The following ZFHX3 variants were observed in gnomAD, a reference collection of about 807,000 sequenced individuals.
ZFHX3 encodes zinc finger homeobox protein 3.
In ZFHX3, 42 loss-of-function variants were observed where a neutral mutation model predicts 279.1. That is an observed-to-expected ratio of 0.15 (90% CI 0.12 to 0.19). The LOEUF is 0.19. Among genes scored for constraint, ZFHX3 ranks in the 10% least tolerant of loss-of-function variants. The pLI, the probability that ZFHX3 is intolerant of heterozygous loss-of-function variation, is 1.00. For synonymous variants in ZFHX3, 2,293 were observed against 1,957.8 expected (o/e 1.17, Z -4.52); for missense variants, 4,981 against 4,754.0 (o/e 1.05, Z -1.40).
chr16:73,743,917 A>G (rs964039205), intron 1 of ZFHX3, among the ~76,000 whole-genome samples: 3 of 152,146 alleles, frequency 2.0e-5, no homozygotes, highest in Admixed American at 6.6e-5. Flanking sequence ...GGACAACTCT[A>G]CTGGGTGACC....
intron 2 of ZFHX3, among the ~76,000 whole-genome samples, chr16:73,674,563 G>A (rs1362279187): frequency 6.6e-6 from 1 of 152,194 alleles, no homozygotes; most frequent in African/African-American, 2.4e-5. Context: ...TTGTAAAGAT[G>A]GCCTCACATT....
chr16:73,447,243 C>T (rs552326265), intron 3 of ZFHX3, among the ~76,000 whole-genome samples: 3 of 147,534 alleles, frequency 2.0e-5, no homozygotes, highest in African/African-American at 7.5e-5. Context: ...ATAAAAGGAA[C>T]AAGAAGTAGT....
intron 1 of ZFHX3, among the ~76,000 whole-genome samples, chr16:73,743,692 T>C (rs2053679086): frequency 2.0e-5 from 3 of 152,216 alleles, no homozygotes; most frequent in Admixed American, 2.0e-4. Flanking sequence ...GTACCGTATT[T>C]GTTATCAGAA....
intron 1 of ZFHX3, among the ~76,000 whole-genome samples, chr16:72,968,375 C>A (rs1163976681): frequency 2.0e-5 from 3 of 151,996 alleles, no homozygotes; most frequent in Non-Finnish European, 4.4e-5. Flanking sequence ...TCTTCTTTTC[C>A]TCTAAAGGAC....
chr16:72,931,404 TACAC>T (rs59696404), intron 3 of ZFHX3, among the ~76,000 whole-genome samples: 10,797 of 119,754 alleles, frequency 0.09, 526 homozygotes, highest in African/African-American at 0.13. Flanking sequence ...TTTATTTCAT[TACAC>T]ACACACACAC....
At chr16:73,517,944 T>C (rs951464643) in intron 2 of ZFHX3, among the ~76,000 whole-genome samples, 2 of 152,188 alleles carry the variant, frequency 1.3e-5, no homozygotes, top group Non-Finnish European at 2.9e-5. Context: ...AATAATGTGT[T>C]TTATTATTAA....
In ZFHX3 at chr16:72,788,426, C is replaced by T; in HGVS notation, c.9850G>A (p.Asp3284Asn). Residue 3284 changes from aspartate (D) to asparagine (N), a missense_variant, in exon 10 of 10, where the codon GAC (aspartate) becomes AAC (asparagine). Around this residue, in one of 7 missense-constraint regions of ZFHX3, gnomAD observed 1,034 missense variants for 786.0 expected, o/e 1.32. Coordinates refer to ENST00000268489, the MANE Select transcript of ZFHX3 (RefSeq NM_006885.4). ...TGCAGGGCCTGCAGCTGTGCAGGGT[C>T]TACCGCATACTCCATGGTGGGCAGC... Reference protein sequence around the residue: ...APLPTMEYAVDPAQLQALQAA... With the variant: ...APLPTMEYAVNPAQLQALQAA... 1 of 1,614,240 alleles carries T rather than the reference C, an allele frequency of 6.2e-7. No homozygotes were observed. Among genetic ancestry groups the T allele is most frequent in the Non-Finnish European group, 8.5e-7 (1 of 1,180,044 alleles).
intron 1 of ZFHX3, among the ~76,000 whole-genome samples, chr16:73,820,528 T>C (rs1047562653): frequency 3.3e-5 from 5 of 152,188 alleles, no homozygotes; most frequent in Admixed American, 6.5e-5. Flanking sequence ...CAACTGCACA[T>C]TGAGTTTGCA....
At chr16:72,938,133 G>T (rs1279423141) in intron 3 of ZFHX3, among the ~76,000 whole-genome samples, 1 of 152,264 alleles carries the variant, frequency 6.6e-6, no homozygotes, top group East Asian at 1.9e-4. Context: ...CCCGTGTGGG[G>T]CAGAGATGCC....
upstream of ZFHX3, among the ~76,000 whole-genome samples, chr16:73,049,218 C>T (rs777012380): frequency 1.3e-5 from 2 of 152,222 alleles, no homozygotes; most frequent in African/African-American, 4.8e-5. Flanking sequence ...GAATCCCACC[C>T]TCAGTCTGAA....
rs975207926 is a variant in ZFHX3 at position 72,959,114 on chromosome 16, G to A, written c.1032C>T (p.Asn344=). 5 of 1,614,088 alleles carry A rather than the reference G, an allele frequency of 3.1e-6. No homozygotes were observed. In the African/African-American group the frequency reaches 6.7e-5, roughly 22 times the overall value. ...EPLVSFLEPK[N]KNFQHPLVST... is the part of the protein sequence containing the mutation. The stretch of plus-strand genomic sequence containing the variant: ...AAACTAAAGGGTGTTGAAAGTTTTT[G>A]TTTTTTGGTTCCAGAAAACTTACAA... Residue 344 remains asparagine (N), a synonymous_variant, in exon 2 of 10, where the codon AAC becomes AAT. Transcript: ENST00000268489.
intron 1 of ZFHX3, among the ~76,000 whole-genome samples, chr16:72,962,792 C>T (rs1451145984): frequency 6.6e-6 from 1 of 152,064 alleles, no homozygotes; most frequent in Non-Finnish European, 1.5e-5. Context: ...GCTCTTCTGT[C>T]CTTGGTACCT....
At chr16:73,106,456 G>C (rs1249688697) in intron 7 of ZFHX3, among the ~76,000 whole-genome samples, 1 of 152,006 alleles carries the variant, frequency 6.6e-6, no homozygotes. Flanking sequence ...CTCTCTAAGG[G>C]TGAGTGCTCT....
At chr16:73,075,474 T>C (rs1042148508) in intron 8 of ZFHX3, among the ~76,000 whole-genome samples, 1 of 152,158 alleles carries the variant, frequency 6.6e-6, no homozygotes, top group African/African-American at 2.4e-5. Flanking sequence ...CTCTCTCTCA[T>C]GGCAAATCAG....
Position 72,948,916 on chromosome 16 carries a change from G to A in ZFHX3, c.3216+1553C>T, listed in dbSNP as rs1309443894. ...CAAAGGGCTTTTTTCTTTTAATGGTGGCAAAACTAAGCCAGTCCAGCAAGG... is the reference window on the plus strand; with the variant it reads ...CAAAGGGCTTTTTTCTTTTAATGGTAGCAAAACTAAGCCAGTCCAGCAAGG... On this transcript the variant is annotated intron_variant, in intron 3 of 9. Transcript: ENST00000268489. Among the ~76,000 whole-genome samples, 4 of 152,194 alleles carry A rather than the reference G, an allele frequency of 2.6e-5. No homozygotes were observed. The East Asian group carries it at 7.7e-4, about 29-fold the overall frequency.
At chr16:73,797,419 C>G (rs1227373889) in intron 1 of ZFHX3, among the ~76,000 whole-genome samples, 1 of 152,176 alleles carries the variant, frequency 6.6e-6, no homozygotes, top group African/African-American at 2.4e-5. Flanking sequence ...CTGCACAAAG[C>G]AACAAATGGC....
intron 2 of ZFHX3, among the ~76,000 whole-genome samples, chr16:73,482,828 G>A (rs1055537246): frequency 6.6e-6 from 1 of 152,180 alleles, no homozygotes; most frequent in Non-Finnish European, 1.5e-5. Context: ...ACCTGGAGAT[G>A]TAATTTACAT....
intron 6 of ZFHX3, among the ~76,000 whole-genome samples, chr16:73,132,829 C>G (rs374691694): frequency 6.6e-6 from 1 of 152,308 alleles, no homozygotes; most frequent in Admixed American, 6.5e-5. Context: ...ATAAAGTGAT[C>G]AATCAGGAGG....
At chr16:73,269,616 A>G (rs2014084799) in intron 4 of ZFHX3, among the ~76,000 whole-genome samples, 1 of 152,148 alleles carries the variant, frequency 6.6e-6, no homozygotes, top group South Asian at 2.1e-4. Context: ...CCTTCCACGA[A>G]TATTCATGTA....
Sources: allele counts gnomAD v4.1 joint callset (sites outside exome capture counted in the v4.1 genomes callset), GRCh38; gene constraint gnomAD v4.1.1; regional missense constraint gnomAD v4.1.1; transcripts MANE v1.5; gene names NCBI Gene and HGNC (gene_info 2026-07-23, HGNC 2026-07-21).